The following ANO3 variants were observed in gnomAD, a reference collection of about 807,000 sequenced individuals.
The protein encoded by ANO3 is anoctamin 3, also known as anoctamin-3.
In ANO3, 99 loss-of-function variants were observed where a neutral mutation model predicts 144.8. The observed-to-expected ratio is 0.68, with a 90% CI of 0.58 to 0.81. The LOEUF is 0.81. ANO3 is among the 30% of genes least tolerant of loss of function. The probability of loss-of-function intolerance (pLI) is 0.00; values close to 1 mark genes in which losing one functional copy is unlikely to be tolerated. For missense variants in ANO3, 905 were observed against 1,202.2 expected, an observed-to-expected ratio of 0.75 and a Z score of 3.66; for synonymous variants, 414 against 392.6, an observed-to-expected ratio of 1.05 and a Z score of -0.64.
At position 26,372,822 on chromosome 11, in the gene ANO3, T is replaced by C. The variant is rs536876818; in HGVS notation, c.46+40501T>C. Among the ~76,000 whole-genome samples the C allele has an allele frequency of 5.3e-5, 8 of 152,318 alleles. No individual in the cohort carries two copies. The South Asian group carries it at 1.7e-3, about 32-fold the overall frequency. On this transcript the variant is annotated intron_variant, in intron 1 of 26. Transcript: ENST00000256737. ...TCATATAAAGTGGCAGAGTGAATAGTTGAAATATTAGATAGTTTGGCCATT... is the reference window on the plus strand; with the variant it reads ...TCATATAAAGTGGCAGAGTGAATAGCTGAAATATTAGATAGTTTGGCCATT...
At chr11:26,251,201 T>C (rs1852920095) in intron 1 of ANO3, among the ~76,000 whole-genome samples, 1 of 152,216 alleles carries the variant, frequency 6.6e-6, no homozygotes, top group Non-Finnish European at 1.5e-5. Flanking sequence ...CAAAACACTT[T>C]TTTTTCCATG....
chr11:26,279,576 A>G (rs1264739686), intron 1 of ANO3, among the ~76,000 whole-genome samples: 1 of 152,222 alleles, frequency 6.6e-6, no homozygotes, highest in East Asian at 1.9e-4. Context: ...CAAGAAGCAC[A>G]TGGACAGATA....
chr11:26,642,088 C>T (rs1455615803), intron 22 of ANO3, 59 bp downstream of exon 22: 11 of 1,572,938 alleles, frequency 7.0e-6, no homozygotes, highest in Admixed American at 5.4e-5. Context: ...TTCTACTTCA[C>T]AGAAGCTTTG....
intron 1 of ANO3, among the ~76,000 whole-genome samples, chr11:26,426,613 G>A (rs564717374): frequency 2.6e-5 from 4 of 152,114 alleles, no homozygotes; most frequent in Non-Finnish European, 5.9e-5. Flanking sequence ...CCCATACTTC[G>A]TATTATTTTG....
intron 1 of ANO3, among the ~76,000 whole-genome samples, chr11:26,357,656 T>C (rs1462285945): frequency 6.6e-6 from 1 of 152,146 alleles, no homozygotes; most frequent in Non-Finnish European, 1.5e-5. Context: ...TTTCATCCTA[T>C]TAACAGGGTA....
At chr11:26,275,642 G>A (rs751690327) in intron 1 of ANO3, among the ~76,000 whole-genome samples, 5 of 152,120 alleles carry the variant, frequency 3.3e-5, no homozygotes, top group Non-Finnish European at 5.9e-5. Context: ...GTAGGTCAGA[G>A]GTTAGCTTTT....
intron 1 of ANO3, among the ~76,000 whole-genome samples, chr11:26,354,950 G>C (rs779920048): frequency 4.6e-5 from 7 of 150,754 alleles, no homozygotes; most frequent in Non-Finnish European, 1.0e-4. Context: ...GTGTTCAAAA[G>C]CAATTTACTA....
chr11:26,475,614 T>C (rs893611198), intron 4 of ANO3, among the ~76,000 whole-genome samples: 6 of 152,072 alleles, frequency 3.9e-5, no homozygotes, highest in Non-Finnish European at 8.8e-5. Context: ...TACTCAGCTA[T>C]CAGTATAAAA....
At chr11:26,195,816 A>AT (rs1194790634) in intron 1 of ANO3, among the ~76,000 whole-genome samples, 8 of 152,136 alleles carry the variant, frequency 5.3e-5, no homozygotes, top group Non-Finnish European at 1.2e-4. Context: ...GACACAGGAG[A>AT]TTTTAGAACT....
At chr11:26,280,343 T>C (rs113334202) in intron 1 of ANO3, among the ~76,000 whole-genome samples, 5,296 of 152,154 alleles carry the variant, frequency 0.035, 185 homozygotes, top group African/African-American at 0.09. Flanking sequence ...TAGATGTATA[T>C]GTAAAGGGGA....
Position 26,320,226 on chromosome 11 carries a change from G to T in ANO3, c.-3+10507G>T, listed in dbSNP as rs1456001623. ...AGAATCTATCTTCCTCTCTCATGTT[G>T]TTAGTATTATTCTCTAATTACTCCT... On this transcript the variant is annotated intron_variant, in intron 1 of 26. Coordinates refer to the ANO3 transcript ENST00000525139. Among the ~76,000 whole-genome samples, 7 of 152,174 alleles carry T rather than the reference G, an allele frequency of 4.6e-5. No individual in the cohort carries two copies. In the East Asian group the frequency reaches 1.3e-3, roughly 29 times the overall value.
chr11:26,608,994 T>C (rs1852013630), intron 17 of ANO3, among the ~76,000 whole-genome samples: 1 of 152,190 alleles, frequency 6.6e-6, no homozygotes, highest in Admixed American at 6.5e-5. Flanking sequence ...TCAACGGGCT[T>C]AAGCAGATTC....
intron 24 of ANO3, among the ~76,000 whole-genome samples, chr11:26,648,891 G>A (rs539659808): frequency 1.5e-3 from 228 of 152,288 alleles, no homozygotes; most frequent in Non-Finnish European, 2.5e-3. Flanking sequence ...AGGAGGAAAT[G>A]CACTGTTAAC....
chr11:26,599,673 G>C lies in ANO3; in HGVS notation c.1795G>C (p.Ala599Pro), dbSNP rs1554976231. ...CTGGCAGTTTGCAACATCTGCTGCT[G>C]CTGTCTGTATCAATTTCATAATCAT... ...QYWQFATSAA[A>P]VCINFIIIML... The change falls in exon 17 of 27, where the codon GCT becomes CCT. Residue 599 changes from alanine to proline, a missense_variant. Transcript: ENST00000256737. 6.2e-7 allele frequency: 1 copy of C among 1,614,040 alleles called. No individual in the cohort carries two copies. Among genetic ancestry groups the C allele is most frequent in the Non-Finnish European group, 8.5e-7 (1 of 1,179,978 alleles).
chr11:26,230,595 G>A (rs578246499), intron 1 of ANO3, among the ~76,000 whole-genome samples: 69 of 151,676 alleles, frequency 4.5e-4, no homozygotes, highest in Non-Finnish European at 8.8e-4. Context: ...TCAGGAGTTC[G>A]AGACCAGCCT....
intron 6 of ANO3, among the ~76,000 whole-genome samples, chr11:26,521,910 C>A (rs1314012152): frequency 6.6e-6 from 1 of 152,130 alleles, no homozygotes; most frequent in Non-Finnish European, 1.5e-5. Context: ...AGCGGCCGGG[C>A]GCGGTGGCTC....
chr11:26,402,006 T>C (rs1462371471), intron 1 of ANO3, among the ~76,000 whole-genome samples: 1 of 152,090 alleles, frequency 6.6e-6, no homozygotes, highest in African/African-American at 2.4e-5. Flanking sequence ...TAGTATCCCA[T>C]GGTGTATATG....
At chr11:26,598,091 A>G (rs1851690051) in intron 14 of ANO3, among the ~76,000 whole-genome samples, 1 of 152,172 alleles carries the variant, frequency 6.6e-6, no homozygotes, top group Non-Finnish European at 1.5e-5. Flanking sequence ...TTAGCTCAGT[A>G]ATATTGATTG....
At chr11:26,514,379 G>T (rs369707911) in intron 5 of ANO3, among the ~76,000 whole-genome samples, 3 of 152,006 alleles carry the variant, frequency 2.0e-5, no homozygotes, top group Non-Finnish European at 4.4e-5. Context: ...CATTTCTGGA[G>T]AATTTATTAG....
Sources: gnomAD v4.1 joint callset for allele counts (sites outside exome capture counted in the v4.1 genomes callset) on GRCh38, gnomAD v4.1.1 for gene constraint, MANE v1.5 for transcripts, NCBI Gene and HGNC (gene_info 2026-07-23, HGNC 2026-07-21) for gene names.